DOCK1: variants seen among roughly 807,000 people sequenced by gnomAD.
DOCK1 encodes the protein dedicator of cytokinesis protein 1.
Under a neutral mutation model 262.7 loss-of-function variants are expected in DOCK1, and 138 were observed. The observed-to-expected ratio is 0.53, with a 90% CI of 0.46 to 0.61. The LOEUF (loss-of-function observed/expected upper bound fraction) is 0.61. Ranked by LOEUF, DOCK1 falls within the 20% of genes least tolerant of loss-of-function variation. DOCK1 has a pLI of 0.00. For synonymous variants in DOCK1, 866 were observed against 867.4 expected (o/e 1.00, Z 0.03); for missense variants, 1,908 against 2,370.7 (o/e 0.80, Z 4.05).
chr10:127,440,863 G>A (rs1397439536), intron 49 of DOCK1, among the ~76,000 whole-genome samples: 3 of 152,174 alleles, frequency 2.0e-5, no homozygotes, highest in East Asian at 1.9e-4. Context: ...GACGCTCAGC[G>A]TCCAGCAGAT....
chr10:127,362,910 CACACACACATATACACATGCACAT>C lies in DOCK1; in HGVS notation c.3432+699_3432+722del, dbSNP rs1432071743. Among the ~76,000 whole-genome samples the C allele has an allele frequency of 1.4e-3, 185 of 131,294 alleles. 2 individuals are homozygous for C. The highest frequency in any genetic ancestry group is 2.7e-3 in the East Asian group (13 of 4,796). 86.1% of individuals were successfully genotyped at this position (131,294 alleles called of 152,430 possible). A position where few individuals can be genotyped will look rare whatever the true frequency, so the allele number is the denominator to read the frequency against. ...CCACACACACACACATGTACATCTC[CACACACACATATACACATGCACAT>C]CCCCCCACACACATACACATGTGCA... On this transcript the variant is annotated intron_variant, in intron 33 of 51. Coordinates refer to ENST00000623213, the MANE Select transcript of DOCK1 (RefSeq NM_001290223.2).
At position 127,077,238 on chromosome 10, in the gene DOCK1, T is replaced by C. The variant is rs886673897; in HGVS notation, c.2445+15462T>C. Among the ~76,000 whole-genome samples the C allele has an allele frequency of 2.0e-5, 3 of 151,864 alleles. No individual in the cohort carries two copies. The South Asian group carries it at 6.3e-4, about 32-fold the overall frequency. ...GGTGAAGCTCCATATCTACTAAATATACAAAAATTAGCTGGGCGTGGTGGT... is the reference window on the plus strand; with the variant it reads ...GGTGAAGCTCCATATCTACTAAATACACAAAAATTAGCTGGGCGTGGTGGT... On this transcript the variant is annotated intron_variant, in intron 23 of 51. Transcript: ENST00000623213.
chr10:127,226,097 AG>A (rs1275269030), intron 27 of DOCK1, among the ~76,000 whole-genome samples: 4 of 150,682 alleles, frequency 2.7e-5, no homozygotes, highest in African/African-American at 9.7e-5. Flanking sequence ...AAAAAAAAAA[AG>A]ATGTAGTTAA....
chr10:127,285,612 C>T (rs1038086302), intron 29 of DOCK1, among the ~76,000 whole-genome samples: 2 of 152,204 alleles, frequency 1.3e-5, no homozygotes, highest in Non-Finnish European at 2.9e-5. Context: ...ACATCTGTTC[C>T]CTTAGCAGGG....
intron 21 of DOCK1, among the ~76,000 whole-genome samples, chr10:127,043,535 G>A (rs2044156565): frequency 6.6e-6 from 1 of 152,212 alleles, no homozygotes; most frequent in African/African-American, 2.4e-5. Flanking sequence ...AAGGAGATTG[G>A]TTGTTTAGTG....
chr10:127,355,946 G>A (rs974496162), intron 32 of DOCK1, among the ~76,000 whole-genome samples: 2 of 152,232 alleles, frequency 1.3e-5, no homozygotes, highest in African/African-American at 4.8e-5. Context: ...AGATGCTCCT[G>A]GGTGGGGATG....
chr10:127,373,157 C>CT (rs1377799513), intron 33 of DOCK1, among the ~76,000 whole-genome samples: 1 of 152,198 alleles, frequency 6.6e-6, no homozygotes, highest in Admixed American at 6.5e-5. Flanking sequence ...GGCGACCCTT[C>CT]TGCACCCTGA....
At position 127,439,034 on chromosome 10, in the gene DOCK1, C is replaced by G; in HGVS notation, c.5068C>G (p.Leu1690Val). Reference protein sequence around the residue: ...PSRPGSDGFALEPLLPKKMHS... With the variant: ...PSRPGSDGFAVEPLLPKKMHS... ...CATTGACCTTTCCTTTAGGTTTGCC[C>G]TGGAGCCTCTCCTGCCAAAGAAAAT... Residue 1690 changes from leucine to valine, a missense_variant, in exon 49 of 52, where the codon CTG becomes GTG. Around this residue, in one of 9 missense-constraint regions of DOCK1, gnomAD observed 383 missense variants for 420.1 expected, o/e 0.91. Transcript: ENST00000623213. The G allele has an allele frequency of 6.4e-7, 1 of 1,551,308 alleles. No homozygotes were observed. Among genetic ancestry groups the G allele is most frequent in the Non-Finnish European group, 8.7e-7 (1 of 1,146,878 alleles).
intron 3 of DOCK1, among the ~76,000 whole-genome samples, chr10:126,980,296 A>G (rs1434627534): frequency 6.6e-6 from 1 of 152,116 alleles, no homozygotes; most frequent in East Asian, 1.9e-4. Flanking sequence ...GGCTCAAGGT[A>G]TTCTCCTCCC....
chr10:126,991,646 C>T (rs923075713), intron 6 of DOCK1, among the ~76,000 whole-genome samples: 6 of 152,080 alleles, frequency 3.9e-5, no homozygotes, highest in Non-Finnish European at 5.9e-5. Flanking sequence ...TCTCCTGCTT[C>T]AGCCTCCCGA....
chr10:127,432,039 G>T (rs2069325774), intron 47 of DOCK1, among the ~76,000 whole-genome samples: 1 of 152,152 alleles, frequency 6.6e-6, no homozygotes, highest in Non-Finnish European at 1.5e-5. Context: ...TCTGGGTTGT[G>T]CACTCCTTAT....
intron 27 of DOCK1, among the ~76,000 whole-genome samples, chr10:127,240,190 G>A (rs1401361825): frequency 6.6e-6 from 1 of 151,478 alleles, no homozygotes; most frequent in Admixed American, 6.6e-5. Flanking sequence ...TTAAGATACA[G>A]GTTTAATTTT....
intron 47 of DOCK1, 51 bp from the exon 48 acceptor site, chr10:127,433,221 AGTCTGACCATG>A: frequency 6.3e-7 from 1 of 1,593,516 alleles, no homozygotes; most frequent in Non-Finnish European, 8.6e-7. Context: ...TTATCTCAGG[AGTCTGACCATG>A]GCAGGCACAG....
At chr10:127,420,318 G>T (rs558063703) in intron 46 of DOCK1, among the ~76,000 whole-genome samples, 34 of 152,308 alleles carry the variant, frequency 2.2e-4, no homozygotes, top group African/African-American at 7.9e-4. Context: ...GACCCTGGGT[G>T]CCTTGGGTTT....
chr10:127,257,185 C>T, intron 28 of DOCK1, 150 bp from the exon 29 acceptor site: 1 of 641,218 alleles, frequency 1.6e-6, no homozygotes, highest in Non-Finnish European at 2.6e-6. Flanking sequence ...AGGTCTAATT[C>T]ACAGCTCCTA....
intron 23 of DOCK1, among the ~76,000 whole-genome samples, chr10:127,102,513 AAT>A (rs2048310951): frequency 6.6e-6 from 1 of 152,208 alleles, no homozygotes; most frequent in African/African-American, 2.4e-5. Context: ...ATTCCCAGGT[AAT>A]ATATTCTTAG....
intron 18 of DOCK1, among the ~76,000 whole-genome samples, chr10:127,035,792 A>G (rs1347252917): frequency 6.6e-6 from 1 of 151,874 alleles, no homozygotes; most frequent in Non-Finnish European, 1.5e-5. Context: ...TGAGGTTCAC[A>G]TGAGCCCAGG....
chr10:127,439,342 A>G (rs1189632382), intron 49 of DOCK1, 117 bp downstream of exon 49: 1 of 1,118,074 alleles, frequency 8.9e-7, no homozygotes, highest in Non-Finnish European at 1.3e-6. Context: ...TAAATTAGCA[A>G]CTCAGAAACC....
chr10:127,192,041 C>T (rs966758423), intron 27 of DOCK1, among the ~76,000 whole-genome samples: 5 of 152,198 alleles, frequency 3.3e-5, no homozygotes, highest in Non-Finnish European at 7.3e-5. Flanking sequence ...TAAACTTCAA[C>T]AAGCATTTTG....
Sources: allele counts gnomAD v4.1 joint callset (sites outside exome capture counted in the v4.1 genomes callset), GRCh38; gene constraint gnomAD v4.1.1; regional missense constraint gnomAD v4.1.1; transcripts MANE v1.5; gene names NCBI Gene and HGNC (gene_info 2026-07-23, HGNC 2026-07-21).